The following ERC2 variants were observed in gnomAD, a reference collection of about 807,000 sequenced individuals.
ERC2 encodes the protein ERC protein 2.
A neutral mutation model predicts 114.8 loss-of-function variants in ERC2; 42 were observed. The observed-to-expected ratio is 0.37, with a 90% confidence interval of 0.29 to 0.47. ERC2 has a LOEUF of 0.47. Ranked by LOEUF, ERC2 falls within the 20% of genes least tolerant of loss-of-function variation. The probability of loss-of-function intolerance (pLI) is 0.99; values close to 1 mark genes in which losing one functional copy is unlikely to be tolerated. For synonymous variants in ERC2, 454 were observed against 425.5 expected, an observed-to-expected ratio of 1.07 and a Z score of -0.82; for missense variants, 939 against 1,150.7, an observed-to-expected ratio of 0.82 and a Z score of 2.66.
At chr3:56,158,322 C>A (rs1414516122) in intron 4 of ERC2, among the ~76,000 whole-genome samples, 1 of 152,010 alleles carries the variant, frequency 6.6e-6, no homozygotes, top group Non-Finnish European at 1.5e-5. Context: ...GCTATTTTTT[C>A]TCCACTGTTT....
At chr3:55,816,255 C>T (rs2059902197) in intron 14 of ERC2, among the ~76,000 whole-genome samples, 1 of 152,218 alleles carries the variant, frequency 6.6e-6, no homozygotes, top group Non-Finnish European at 1.5e-5. Context: ...CATCTCCCTA[C>T]TCCCAAGCCT....
intron 14 of ERC2, among the ~76,000 whole-genome samples, chr3:55,875,109 A>G (rs2062766007): frequency 6.6e-6 from 1 of 152,168 alleles, no homozygotes; most frequent in Admixed American, 6.5e-5. Flanking sequence ...GGAAGCAGAG[A>G]ATAACCACTG....
chr3:55,746,337 G>A (rs112757982), intron 14 of ERC2, among the ~76,000 whole-genome samples: 2 of 152,016 alleles, frequency 1.3e-5, no homozygotes, highest in African/African-American at 4.8e-5. Flanking sequence ...GGGTTCAAGC[G>A]ATTCTCCTGC....
At chr3:55,869,751 C>T (rs183849389) in intron 14 of ERC2, among the ~76,000 whole-genome samples, 14 of 152,232 alleles carry the variant, frequency 9.2e-5, no homozygotes, top group Non-Finnish European at 1.6e-4. Context: ...AGGCAGGGAC[C>T]ATGTCACTAG....
chr3:56,317,660 C>T (rs562639484), intron 2 of ERC2, among the ~76,000 whole-genome samples: 1 of 152,252 alleles, frequency 6.6e-6, no homozygotes, highest in South Asian at 2.1e-4. Context: ...ATTGAACACC[C>T]CTATGTGCCA....
At chr3:56,018,339 TACA>T (rs1288214223) in intron 8 of ERC2, among the ~76,000 whole-genome samples, 9 of 152,124 alleles carry the variant, frequency 5.9e-5, no homozygotes, top group Non-Finnish European at 1.2e-4. Flanking sequence ...TACTGCACAA[TACA>T]ACTTCTCATG....
chr3:55,542,855 A>G (rs1277855909), intron 17 of ERC2, among the ~76,000 whole-genome samples: 1 of 152,234 alleles, frequency 6.6e-6, no homozygotes, highest in Non-Finnish European at 1.5e-5. Context: ...TGGATTCCAT[A>G]GTGGCCAATA....
intron 17 of ERC2, among the ~76,000 whole-genome samples, chr3:55,678,341 T>A (rs1357264621): frequency 6.6e-6 from 1 of 152,052 alleles, no homozygotes; most frequent in Non-Finnish European, 1.5e-5. Context: ...TCAAGAGCAA[T>A]CAAAATCTCA....
At chr3:55,635,494 A>C (rs2059923491) in intron 17 of ERC2, among the ~76,000 whole-genome samples, 2 of 151,658 alleles carry the variant, frequency 1.3e-5, no homozygotes, top group African/African-American at 4.8e-5. Flanking sequence ...AGGTTCAAGC[A>C]ATTCTTGTAC....
chr3:55,518,705 A>G (rs1453697500), intron 17 of ERC2, among the ~76,000 whole-genome samples: 1 of 152,240 alleles, frequency 6.6e-6, no homozygotes, highest in Non-Finnish European at 1.5e-5. Flanking sequence ...AGAAAAAAAA[A>G]GTTCATTAAG....
chr3:56,397,366 G>GA (rs2060351556), intron 2 of ERC2, among the ~76,000 whole-genome samples: 2 of 144,736 alleles, frequency 1.4e-5, no homozygotes, highest in Non-Finnish European at 3.1e-5. Flanking sequence ...AAAAAAAAAA[G>GA]AAGAAGAAGA....
At chr3:55,704,349 T>A (rs1223248148) in intron 15 of ERC2, among the ~76,000 whole-genome samples, 1 of 152,194 alleles carries the variant, frequency 6.6e-6, no homozygotes, top group Non-Finnish European at 1.5e-5. Flanking sequence ...TGGATCAAGT[T>A]AACGATAAAA....
At chr3:55,800,802 A>G (rs2070988188) in intron 14 of ERC2, among the ~76,000 whole-genome samples, 1 of 152,144 alleles carries the variant, frequency 6.6e-6, no homozygotes, top group Admixed American at 6.5e-5. Context: ...CTTCCAGCAG[A>G]GTTGAGCTAA....
intron 17 of ERC2, among the ~76,000 whole-genome samples, chr3:55,673,137 G>T (rs2061633147): frequency 6.6e-6 from 1 of 152,132 alleles, no homozygotes; most frequent in South Asian, 2.1e-4. Context: ...TTCCGTGAGG[G>T]GGAAGGACAA....
chr3:55,667,867 G>A (rs868784906), intron 17 of ERC2, among the ~76,000 whole-genome samples: 1 of 152,136 alleles, frequency 6.6e-6, no homozygotes. Context: ...TGGAGAACAT[G>A]CTCTATGCCA....
chr3:55,829,560 A>T (rs1216311481), intron 14 of ERC2, among the ~76,000 whole-genome samples: 1 of 152,200 alleles, frequency 6.6e-6, no homozygotes, highest in Non-Finnish European at 1.5e-5. Context: ...TCCCTCTGTC[A>T]CCTAGAGTGC....
intron 3 of ERC2, among the ~76,000 whole-genome samples, chr3:56,228,955 G>A (rs560351498): frequency 6.6e-6 from 1 of 152,034 alleles, no homozygotes; most frequent in South Asian, 2.1e-4. Flanking sequence ...TTAATGCTTT[G>A]GTTATAATGG....
At chr3:55,755,297 C>T (rs2066980947) in intron 14 of ERC2, among the ~76,000 whole-genome samples, 1 of 152,022 alleles carries the variant, frequency 6.6e-6, no homozygotes, top group Non-Finnish European at 1.5e-5. Flanking sequence ...TGAGGAATGA[C>T]CGAGAGGCAC....
At chr3:55,765,639 G>A (rs1008669670) in intron 14 of ERC2, among the ~76,000 whole-genome samples, 2 of 152,174 alleles carry the variant, frequency 1.3e-5, no homozygotes, top group Non-Finnish European at 2.9e-5. Flanking sequence ...CGTTACTTGA[G>A]GCTTTTTTCC....
Sources: allele counts gnomAD v4.1 joint callset (sites outside exome capture counted in the v4.1 genomes callset), GRCh38; gene constraint gnomAD v4.1.1; transcripts MANE v1.5; gene names NCBI Gene and HGNC (gene_info 2026-07-23, HGNC 2026-07-21).